The following LIPF variants were observed in gnomAD, a reference collection of about 807,000 sequenced individuals.
LIPF encodes gastric triacylglycerol lipase.
In LIPF, 25 loss-of-function variants were observed where a neutral mutation model predicts 38.0. The observed-to-expected ratio is 0.66, with a 90% confidence interval of 0.48 to 0.92. LIPF has a LOEUF of 0.92. Among genes scored for constraint, LIPF ranks in the 40% least tolerant of loss-of-function variants. LIPF has a pLI of 0.00. For synonymous variants in LIPF, 161 were observed against 156.2 expected (o/e 1.03, Z -0.23); for missense variants, 410 against 469.9 (o/e 0.87, Z 1.18).
At chr10:88,669,667 A>T in intron 4 of LIPF, 170 bp from the exon 5 acceptor site, 1 of 506,924 alleles carries the variant, frequency 2.0e-6, no homozygotes, top group South Asian at 2.7e-5. Flanking sequence ...TCAGTTGTTT[A>T]TAAGAAGCTG....
chr10:88,676,643 C>G (rs1381871070), intron 9 of LIPF, among the ~76,000 whole-genome samples: 1 of 152,204 alleles, frequency 6.6e-6, no homozygotes, highest in African/African-American at 2.4e-5. Flanking sequence ...CATGGAATTT[C>G]TGGTCTTCTT....
rs578044205 is a variant in LIPF, at chr10:88,665,661, C to G, written c.-12+1170C>G. 8.8e-6 allele frequency: 7 copies of G among 794,406 alleles called. No individual in the cohort carries two copies. The South Asian group carries it at 1.0e-4, about 12-fold the overall frequency. 49.2% of individuals were successfully genotyped at this position (794,406 alleles called of 1,614,324 possible). A position where few individuals can be genotyped will look rare whatever the true frequency, so the allele number is the denominator to read the frequency against. On this transcript the variant is annotated intron_variant, in intron 1 of 9. Coordinates refer to ENST00000238983, the MANE Select transcript of LIPF (RefSeq NM_004190.4). ...AGCCTCTGGTTTGAATGTTACAACA[C>G]TACTGGTTAGTCTTTATATATTAGT...
intron 9 of LIPF, among the ~76,000 whole-genome samples, chr10:88,676,544 C>T (rs1427058394): frequency 2.0e-5 from 3 of 152,152 alleles, no homozygotes; most frequent in African/African-American, 7.2e-5. Flanking sequence ...ATTACACAGA[C>T]CTGTCCCATA....
At chr10:88,665,479 G>C (rs1287263836) in intron 1 of LIPF, 1 of 1,370,510 alleles carries the variant, frequency 7.3e-7, no homozygotes, top group East Asian at 2.5e-5. Flanking sequence ...ATTTTCCTAG[G>C]ACTTGGCAAC....
chr10:88,677,713 TC>T (rs1841709123), intron 9 of LIPF, among the ~76,000 whole-genome samples: 1 of 152,202 alleles, frequency 6.6e-6, no homozygotes, highest in Admixed American at 6.5e-5. Flanking sequence ...TCTAAAAAAA[TC>T]TAACAAAATT....
intron 5 of LIPF, 123 bp downstream of exon 5, chr10:88,670,069 A>G: frequency 1.5e-6 from 1 of 672,188 alleles, no homozygotes; most frequent in Non-Finnish European, 2.7e-6. Context: ...CAACAACACA[A>G]TGACATAGGG....
Position 88,672,625 on chromosome 10 carries a change from AACACACACAC to A in LIPF, c.669+697_669+706del, listed in dbSNP as rs71471111. Among the ~76,000 whole-genome samples, 616 of 130,934 alleles carry A rather than the reference AACACACACAC, an allele frequency of 4.7e-3. 6 individuals are homozygous for A. The highest frequency in any genetic ancestry group is 0.034 in the East Asian group (153 of 4,530). The allele number at this position is 130,934 out of a possible 152,430, so 85.9% of individuals were successfully genotyped here. A position where few individuals can be genotyped will look rare whatever the true frequency, so the allele number is the denominator to read the frequency against. ...CCTAATTCTCTCACCCAGTAAAACCAACACACACACACACACACACACACACACACACACA... is the reference window on the plus strand; with the variant it reads ...CCTAATTCTCTCACCCAGTAAAACCAACACACACACACACACACACACACA... On this transcript the variant is annotated intron_variant, in intron 6 of 9. Coordinates refer to ENST00000238983, the MANE Select transcript of LIPF (RefSeq NM_004190.4).
intron 1 of LIPF, 35 bp from the exon 2 acceptor site, chr10:88,667,252 G>T (rs1373957033): frequency 2.5e-6 from 3 of 1,177,514 alleles, no homozygotes; most frequent in South Asian, 1.3e-5. Flanking sequence ...AAGTATAATG[G>T]ATTAACCATG....
chr10:88,667,290 G>C lies in LIPF; in HGVS notation c.-8G>C. 6.3e-7 allele frequency: 1 copy of C among 1,581,392 alleles called. No individual in the cohort carries two copies. Among genetic ancestry groups the C allele is most frequent in the Non-Finnish European group, 8.7e-7 (1 of 1,152,026 alleles). Reference sequence around the variant, plus strand: ...ACGGGTTATTCTTTTCTTTCAGGCAGGTCCAAAATGTGGCTGCTTTTAACA... The same window carrying C: ...ACGGGTTATTCTTTTCTTTCAGGCACGTCCAAAATGTGGCTGCTTTTAACA... On this transcript the variant is annotated 5_prime_UTR_variant, in exon 2 of 10. Transcript: ENST00000238983.
At chr10:88,675,361 A>T (rs1841669158) in intron 7 of LIPF, 2 of 455,864 alleles carry the variant, frequency 4.4e-6, no homozygotes, top group Admixed American at 8.2e-5. Context: ...ATAAAATGGA[A>T]CTAATAAGTT....
chr10:88,668,043 A>G (rs1841540749), intron 3 of LIPF, among the ~76,000 whole-genome samples: 1 of 152,224 alleles, frequency 6.6e-6, no homozygotes, highest in Admixed American at 6.5e-5. Flanking sequence ...TCTCAGAAAC[A>G]GTAACTGGAT....
chr10:88,673,379 A>G lies in LIPF; in HGVS notation c.670-209A>G, dbSNP rs17287093. Among the ~76,000 whole-genome samples the G allele has an allele frequency of 1.7e-3, 255 of 152,346 alleles. 1 individual carries two copies. Among genetic ancestry groups the G allele is most frequent in the Non-Finnish European group, 3.2e-3 (220 of 68,026 alleles). On this transcript the variant is annotated intron_variant, in intron 6 of 9. Coordinates refer to ENST00000238983, the MANE Select transcript of LIPF (RefSeq NM_004190.4). ...CCAGTACAGTTCTCAGTGCCACAAT[A>G]GATACCTAGTATTGATATCTGTGCT...
At chr10:88,678,416 ACT>A (rs1312250863) in intron 9 of LIPF, 27 bp from the exon 10 acceptor site, 1 of 1,526,640 alleles carries the variant, frequency 6.6e-7, no homozygotes, top group East Asian at 2.2e-5. Flanking sequence ...GGTTACCTAA[ACT>A]CTGGTTCTTT....
rs17287044 is a variant in LIPF, at chr10:88,669,665, T to C, written c.423-172T>C. 7.8e-3 allele frequency: 3,927 copies of C among 503,612 alleles called. 140 individuals are homozygous for C. Among genetic ancestry groups the C allele is most frequent in the African/African-American group, 0.068 (3,537 of 52,052 alleles). The allele number at this position is 503,612 out of a possible 1,614,324, so 31.2% of individuals were successfully genotyped here. ...GCGCTTCAGAAATGATGTCAGTTGT[T>C]TATAAGAAGCTGCCCCAAAGGGCAC... On this transcript the variant is annotated intron_variant, in intron 4 of 9. Coordinates refer to ENST00000238983, the MANE Select transcript of LIPF (RefSeq NM_004190.4).
Position 88,671,925 on chromosome 10 carries a change from T to C in LIPF, c.629T>C (p.Leu210Pro), listed in dbSNP as rs1173516792. 6.2e-7 allele frequency: 1 copy of C among 1,613,128 alleles called. No homozygotes were observed. Among genetic ancestry groups the C allele is most frequent in the African/African-American group, 1.3e-5 (1 of 75,020 alleles). ...GCCACTGTGAAGTATACAAAAAGCC[T>C]TATAAACAAACTTAGATTTGTTCCT... ...PVATVKYTKS[L>P]INKLRFVPQS... Residue 210 changes from leucine to proline, a missense_variant, in exon 6 of 10, where the codon CTT (leucine) becomes CCT (proline). Transcript: ENST00000238983.
intron 3 of LIPF, 150 bp from the exon 4 acceptor site, chr10:88,668,408 T>C: frequency 1.4e-6 from 1 of 695,712 alleles, no homozygotes. Flanking sequence ...TGAGAAATCA[T>C]CACCACAATT....
chr10:88,668,328 G>GCATATAATAAGCTGCT lies in LIPF; in HGVS notation c.224-224_224-209dup, dbSNP rs1195491811. ...CAATAGTTTTATTGAGATGTAACTGGCATATAATAAGCTGCTCATATTTAA... is the reference window on the plus strand; with the variant it reads ...CAATAGTTTTATTGAGATGTAACTGGCATATAATAAGCTGCTCATATAATAAGCTGCTCATATTTAA... On this transcript the variant is annotated intron_variant, in intron 3 of 9. Coordinates refer to ENST00000238983, the MANE Select transcript of LIPF (RefSeq NM_004190.4). 2.0e-5 allele frequency among the ~76,000 whole-genome samples: 3 copies of GCATATAATAAGCTGCT among 152,070 alleles called. No homozygotes were observed. The East Asian group carries it at 5.8e-4, about 29-fold the overall frequency.
chr10:88,665,962 C>T (rs1051533119), intron 1 of LIPF, among the ~76,000 whole-genome samples: 10 of 152,072 alleles, frequency 6.6e-5, no homozygotes, highest in Non-Finnish European at 1.3e-4. Context: ...TGGCCTCGAT[C>T]TCCTGACCTC....
intron 1 of LIPF, 51 bp from the exon 2 acceptor site, chr10:88,667,236 T>G (rs1841524649): frequency 1.0e-6 from 1 of 1,000,362 alleles, no homozygotes; most frequent in Non-Finnish European, 1.6e-6. Flanking sequence ...AATATAAGCA[T>G]TATGAAAGTA....
Sources: allele counts gnomAD v4.1 joint callset (sites outside exome capture counted in the v4.1 genomes callset), GRCh38; gene constraint gnomAD v4.1.1; transcripts MANE v1.5; gene names NCBI Gene and HGNC (gene_info 2026-07-23, HGNC 2026-07-21).